Variants in TMC1 observed in about 807,000 individuals in gnomAD.
The protein encoded by TMC1 is transmembrane channel-like protein 1.
Under a neutral mutation model 105.8 loss-of-function variants are expected in TMC1, and 84 were observed. That is an observed-to-expected ratio of 0.79 (90% confidence interval 0.67 to 0.95). The LOEUF (loss-of-function observed/expected upper bound fraction) is 0.95, where lower values mean the gene tolerates loss of function less well. TMC1 is among the 40% of genes least tolerant of loss of function. The pLI is 0.00. For synonymous variants in TMC1, 315 were observed against 311.5 expected (o/e 1.01, Z -0.12); for missense variants, 817 against 914.1 (o/e 0.89, Z 1.37).
intron 19 of TMC1, among the ~76,000 whole-genome samples, chr9:72,820,635 C>T (rs915827510): frequency 2.0e-5 from 3 of 152,122 alleles, no homozygotes; most frequent in Non-Finnish European, 4.4e-5. Flanking sequence ...ATATGCAATT[C>T]CTACAATAAT....
At chr9:72,826,754 T>A (rs964310694) in intron 20 of TMC1, 115 bp from the exon 21 acceptor site, 10 of 1,121,900 alleles carry the variant, frequency 8.9e-6, no homozygotes, top group Non-Finnish European at 1.3e-5. Context: ...ATCAGATTCC[T>A]ACCCTGAAAG....
At chr9:72,648,339 C>A (rs527942985) in intron 4 of TMC1, among the ~76,000 whole-genome samples, 9 of 152,140 alleles carry the variant, frequency 5.9e-5, no homozygotes, top group Non-Finnish European at 1.3e-4. Flanking sequence ...TGGGATGAAG[C>A]CAGCTTTGCT....
rs147963704 is a variant in TMC1 at position 72,692,888 on chromosome 9, G to A, written c.65-1655G>A. Among the ~76,000 whole-genome samples, 207 of 152,226 alleles carry A rather than the reference G, an allele frequency of 1.4e-3. 1 individual carries two copies. Among genetic ancestry groups the A allele is most frequent in the African/African-American group, 4.8e-3 (198 of 41,538 alleles). On this transcript the variant is annotated intron_variant, in intron 6 of 23. Coordinates refer to ENST00000297784, the MANE Select transcript of TMC1 (RefSeq NM_138691.3). ...AATCCCAGCACTTTGGGAGGCCAAG[G>A]CAGGTGAATCACTTGAGGCCAGGAG...
At chr9:72,526,972 A>G (rs1266484571) in intron 1 of TMC1, among the ~76,000 whole-genome samples, 1 of 152,214 alleles carries the variant, frequency 6.6e-6, no homozygotes, top group African/African-American at 2.4e-5. Context: ...ATTGGTCTCA[A>G]TGCCATTTAG....
At chr9:72,830,397 A>G (rs1829020013) in intron 21 of TMC1, 54 bp from the exon 22 acceptor site, 2 of 1,196,642 alleles carry the variant, frequency 1.7e-6, no homozygotes, top group Non-Finnish European at 2.5e-6. Flanking sequence ...TTTAAGAAGT[A>G]TCTTGGGGAA....
chr9:72,583,993 C>T lies in TMC1; in HGVS notation c.-306+5970C>T, dbSNP rs1409765762. Among the ~76,000 whole-genome samples, 7 of 152,248 alleles carry T rather than the reference C, an allele frequency of 4.6e-5. No individual in the cohort carries two copies. The Middle Eastern group carries it at 0.01, about 222-fold the overall frequency. On this transcript the variant is annotated intron_variant, in intron 2 of 23. Coordinates refer to ENST00000297784, the MANE Select transcript of TMC1 (RefSeq NM_138691.3). Reference sequence around the variant, plus strand: ...ATATATATTTCTTGTGGGTTTACCACGTGCCAGACAAAGATGTTCCTGGCA... The same window carrying T: ...ATATATATTTCTTGTGGGTTTACCATGTGCCAGACAAAGATGTTCCTGGCA...
chr9:72,593,974 A>G (rs948187723), intron 2 of TMC1, among the ~76,000 whole-genome samples: 3 of 152,142 alleles, frequency 2.0e-5, no homozygotes, highest in African/African-American at 4.8e-5. Context: ...GGCTGCATCT[A>G]TGACGGGGAG....
At chr9:72,527,849 G>C (rs180952668) in intron 1 of TMC1, among the ~76,000 whole-genome samples, 1 of 152,278 alleles carries the variant, frequency 6.6e-6, no homozygotes, top group East Asian at 1.9e-4. Flanking sequence ...ATGGCACTGC[G>C]AGACCCTAAA....
chr9:72,667,158 A>C (rs1826056893), intron 5 of TMC1, among the ~76,000 whole-genome samples: 1 of 152,282 alleles, frequency 6.6e-6, no homozygotes, highest in East Asian at 1.9e-4. Context: ...AAAATAAAGC[A>C]GGGTAGGGGA....
chr9:72,576,371 C>A (rs976817624), intron 1 of TMC1, among the ~76,000 whole-genome samples: 22 of 151,970 alleles, frequency 1.4e-4, no homozygotes, highest in African/African-American at 5.3e-4. Context: ...CTCTCTCCTC[C>A]TCTCTCTTCC....
chr9:72,742,119 T>C (rs1827397768), intron 9 of TMC1, among the ~76,000 whole-genome samples: 1 of 152,238 alleles, frequency 6.6e-6, no homozygotes, highest in African/African-American at 2.4e-5. Context: ...ATTAAACACA[T>C]ACTCTGTTCC....
chr9:72,805,396 G>A lies in TMC1; in HGVS notation c.1581G>A (p.Leu527=). 6.2e-7 allele frequency: 1 copy of A among 1,613,914 alleles called. No homozygotes were observed. The highest frequency in any genetic ancestry group is 8.5e-7 in the Non-Finnish European group (1 of 1,179,888). The change falls in exon 18 of 24, where the codon CTG becomes CTA. Residue 527 remains leucine, a synonymous_variant. Coordinates refer to ENST00000297784, the MANE Select transcript of TMC1 (RefSeq NM_138691.3). ...TATCTCAACAGGAGTTTGTGAGGCT[G>A]ACAGTCTCTGATGTTCTGACCACCT... ...ETMVGQEFVR[L]TVSDVLTTYV... is the part of the protein sequence containing the mutation.
chr9:72,750,269 G>A lies in TMC1; in HGVS notation c.536-1581G>A, dbSNP rs547456604. ...CACTGATAATGTTTCAAAGCCAGAA[G>A]GCTCCAGAAAATCATTGGTCAATAG... On this transcript the variant is annotated intron_variant, in intron 10 of 23. Transcript: ENST00000297784. Among the ~76,000 whole-genome samples, 7 of 152,308 alleles carry A rather than the reference G, an allele frequency of 4.6e-5. No individual in the cohort carries two copies. The East Asian group carries it at 9.6e-4, about 21-fold the overall frequency.
intron 21 of TMC1, among the ~76,000 whole-genome samples, chr9:72,829,718 T>C (rs1829012071): frequency 6.6e-6 from 1 of 152,198 alleles, no homozygotes; most frequent in Non-Finnish European, 1.5e-5. Flanking sequence ...GTGTTCAATA[T>C]CCAGTTATTT....
chr9:72,561,177 C>T (rs926505485), intron 1 of TMC1, among the ~76,000 whole-genome samples: 2 of 151,728 alleles, frequency 1.3e-5, no homozygotes, highest in Non-Finnish European at 2.9e-5. Flanking sequence ...AAAAATTAGC[C>T]GGGCGTGGTG....
intron 5 of TMC1, among the ~76,000 whole-genome samples, chr9:72,665,778 T>A (rs1826033631): frequency 6.6e-6 from 1 of 152,222 alleles, no homozygotes; most frequent in Non-Finnish European, 1.5e-5. Flanking sequence ...TTTTGTTGCC[T>A]ACTAAATTTC....
chr9:72,535,887 A>T lies in TMC1; in HGVS notation c.-428+13974A>T, dbSNP rs1463707966. On this transcript the variant is annotated intron_variant, in intron 1 of 23. Coordinates refer to ENST00000297784, the MANE Select transcript of TMC1 (RefSeq NM_138691.3). ...GAACTAATACAGTGAGAACTCACTG[A>T]CTCTTTCTACAGGGAGGGCATTAAT... 3.3e-5 allele frequency among the ~76,000 whole-genome samples: 5 copies of T among 152,094 alleles called. No homozygotes were observed. The East Asian group carries it at 9.7e-4, about 29-fold the overall frequency.
chr9:72,764,508 TAGAC>T (rs1382110561), intron 12 of TMC1, among the ~76,000 whole-genome samples: 4 of 152,210 alleles, frequency 2.6e-5, no homozygotes, highest in East Asian at 3.8e-4. Flanking sequence ...TTTATGCAAT[TAGAC>T]AGTAGGAAAA....
intron 1 of TMC1, among the ~76,000 whole-genome samples, chr9:72,548,645 A>T (rs1289259024): frequency 1.3e-5 from 2 of 150,854 alleles, no homozygotes; most frequent in East Asian, 3.9e-4. Flanking sequence ...CTTTTCCGGG[A>T]GTTGTATTTT....
Sources: gnomAD v4.1 joint callset for allele counts (sites outside exome capture counted in the v4.1 genomes callset) on GRCh38, gnomAD v4.1.1 for gene constraint, MANE v1.5 for transcripts, NCBI Gene and HGNC (gene_info 2026-07-23, HGNC 2026-07-21) for gene names.